Variants in MAPK15 observed in about 807,000 individuals in gnomAD.
MAPK15 encodes ERK-7.
MAPK15 carries 61 observed loss-of-function variants against 60.8 expected under a neutral mutation model. The ratio of observed to expected loss-of-function variants is 1.00; its 90% confidence interval spans 0.82 to 1.24. MAPK15 has a LOEUF of 1.24. Among genes scored for constraint, MAPK15 ranks in the 50% most tolerant of loss-of-function variants. The pLI is 0.00. For synonymous variants in MAPK15, 356 were observed against 319.9 expected (o/e 1.11, Z -1.21); for missense variants, 808 against 741.1 (o/e 1.09, Z -1.05).
chr8:143,716,470 G>A, intron 1 of MAPK15, 27 bp downstream of exon 1: 2 of 1,585,940 alleles, frequency 1.3e-6, no homozygotes, highest in Admixed American at 1.8e-5. Context: ...GCGTCCGCGC[G>A]CCGAGGGGCG....
chr8:143,720,171 C>A lies in MAPK15; in HGVS notation c.722-59C>A, dbSNP rs561756475. 2.7e-3 allele frequency: 4,166 copies of A among 1,540,838 alleles called. 8 individuals carry two copies. Among genetic ancestry groups the A allele is most frequent in the Middle Eastern group, 4.4e-3 (21 of 4,796 alleles). On this transcript the variant is annotated intron_variant, in intron 7 of 13. Transcript: ENST00000338033. This position sits in a 1 kb window ranked among gnomAD's most constrained non-coding sequence, Gnocchi z 4.6. ...TGGAAGAGATGACTGGCCCCAGATG[C>A]CCTGAGCCGCCCCAGCCGACCAGGC...
At chr8:143,719,934 T>C (rs1040886354) in intron 7 of MAPK15, among the ~76,000 whole-genome samples, 6 of 151,848 alleles carry the variant, frequency 4.0e-5, no homozygotes, top group African/African-American at 1.2e-4. Context: ...CCGCCAGGCA[T>C]AGCTGCTTGT....
At position 143,720,815 on chromosome 8, in the gene MAPK15, G is replaced by T. The variant is rs782127092; in HGVS notation, c.892G>T (p.Ala298Ser). 1.4e-5 allele frequency: 23 copies of T among 1,613,250 alleles called. 2 individuals are homozygous for T. The South Asian group carries it at 2.5e-4, about 18-fold the overall frequency. ...APDKRLSATQALQHPYVQRFH... is the reference protein window; with the variant it reads ...APDKRLSATQSLQHPYVQRFH... Reference sequence around the variant, plus strand: ...GGACAAGCGGTTAAGCGCGACCCAGGCACTGCAGCACCCCTACGTGCAGAG... The same window carrying T: ...GGACAAGCGGTTAAGCGCGACCCAGTCACTGCAGCACCCCTACGTGCAGAG... The change falls in exon 9 of 14, where the codon GCA becomes TCA. Residue 298 changes from alanine (A) to serine (S), a missense_variant. By Grantham distance (99) the Ala-to-Ser change is moderately conservative. Coordinates refer to ENST00000338033, the MANE Select transcript of MAPK15 (RefSeq NM_139021.3). This position sits in a 1 kb window ranked among gnomAD's most constrained non-coding sequence, Gnocchi z 4.6.
rs782097030 is a variant in MAPK15, at chr8:143,718,278, A to G, written c.262A>G (p.Ile88Val). Residue 88 changes from isoleucine to valine, a missense_variant, in exon 4 of 14, where the codon ATT becomes GTT. Transcript: ENST00000338033. Reference sequence around the variant, plus strand: ...GATCCGGGCAGAGAACGACAGGGACATTTACCTGGTGTTTGAGTTTATGGG... The same window carrying G: ...GATCCGGGCAGAGAACGACAGGGACGTTTACCTGGTGTTTGAGTTTATGGG... ...DVIRAENDRD[I>V]YLVFEFMDTD... 1 of 1,614,072 alleles carries G rather than the reference A, an allele frequency of 6.2e-7. No homozygotes were observed. The highest frequency in any genetic ancestry group is 8.5e-7 in the Non-Finnish European group (1 of 1,180,022).
chr8:143,716,836 C>T (rs1258184313), intron 1 of MAPK15, among the ~76,000 whole-genome samples: 1 of 152,142 alleles, frequency 6.6e-6, no homozygotes, highest in East Asian at 1.9e-4. Flanking sequence ...GGGGCGAGGC[C>T]CGAGAAGGGC....
intron 1 of MAPK15, 109 bp downstream of exon 1, chr8:143,716,552 G>T: frequency 1.0e-6 from 1 of 958,388 alleles, no homozygotes; most frequent in East Asian, 3.1e-5. Flanking sequence ...TCACACACTG[G>T]CGTCCTGCCT....
At position 143,719,372 on chromosome 8, in the gene MAPK15, T is replaced by C. The variant is rs546536937; in HGVS notation, c.611T>C (p.Leu204Pro). 12 of 1,611,124 alleles carry C rather than the reference T, an allele frequency of 7.4e-6. No individual in the cohort carries two copies. The East Asian group carries it at 2.5e-4, about 33-fold the overall frequency. The stretch of plus-strand genomic sequence containing the variant: ...ACCCTTGGGGTGGACATGTGGAGTC[T>C]GGGCTGTATCCTGGGGGAGATGCTG... ...RYTLGVDMWSLGCILGEMLRG... is the reference protein window; with the variant it reads ...RYTLGVDMWSPGCILGEMLRG... The change falls in exon 7 of 14, where the codon CTG becomes CCG. Residue 204 changes from leucine (L) to proline (P), a missense_variant. Transcript: ENST00000338033.
At position 143,719,426 on chromosome 8, in the gene MAPK15, C is replaced by G. The variant is rs1554619284; in HGVS notation, c.665C>G (p.Ser222Cys). Reference protein sequence around the residue: ...LRGRPLFPGTSTLHQLELILE... With the variant: ...LRGRPLFPGTCTLHQLELILE... ...GGGAGACCCCTGTTCCCCGGCACGT[C>G]CACCCTCCACCAGCTGGAGCTGATC... The change falls in exon 7 of 14, where the codon TCC (serine) becomes TGC (cysteine). Residue 222 changes from serine to cysteine, a missense_variant. Coordinates refer to ENST00000338033, the MANE Select transcript of MAPK15 (RefSeq NM_139021.3). The G allele has an allele frequency of 6.2e-7, 1 of 1,610,660 alleles. No individual in the cohort carries two copies. Among genetic ancestry groups the G allele is most frequent in the Non-Finnish European group, 8.5e-7 (1 of 1,178,932 alleles).
rs1554619962 is a variant in MAPK15 at position 143,721,759 on chromosome 8, C to T, written c.1337C>T (p.Pro446Leu). 4.3e-6 allele frequency: 7 copies of T among 1,613,538 alleles called. No individual in the cohort carries two copies. The South Asian group carries it at 7.7e-5, about 18-fold the overall frequency. ...TGACATGGCCCTTCCCAGGTGAAGC[C>T]AAGCGGGAGGGGAGCTGCGCCCTCC... ...APPLTLSLVK[P>L]SGRGAAPSLT... The change falls in exon 13 of 14, where the codon CCA becomes CTA. Residue 446 changes from proline to leucine, a missense_variant. Coordinates refer to ENST00000338033, the MANE Select transcript of MAPK15 (RefSeq NM_139021.3).
At position 143,718,767 on chromosome 8, in the gene MAPK15, C is replaced by T; in HGVS notation, c.287-8C>T. 6.3e-7 allele frequency: 1 copy of T among 1,594,180 alleles called. No individual in the cohort carries two copies. Among genetic ancestry groups the T allele is most frequent in the South Asian group, 1.1e-5 (1 of 89,170 alleles). On this transcript the variant is annotated splice_region_variant and splice_polypyrimidine_tract_variant and intron_variant, in intron 4 of 13. Transcript: ENST00000338033. ...CACCCCCGACTGCAGTGCGCACCCT[C>T]TCTGCAGACACTGACCTGAACGCAG...
intron 10 of MAPK15, 61 bp downstream of exon 10, chr8:143,721,166 T>C: frequency 1.3e-6 from 2 of 1,592,948 alleles, no homozygotes; most frequent in Non-Finnish European, 1.7e-6. Flanking sequence ...CTGCCTCCTA[T>C]GTCAGAGACC....
At position 143,720,726 on chromosome 8, in the gene MAPK15, T is replaced by C. The variant is rs921217130; in HGVS notation, c.803T>C (p.Leu268Pro). The C allele has an allele frequency of 6.2e-7, 1 of 1,612,678 alleles. No homozygotes were observed. Among genetic ancestry groups the C allele is most frequent in the Admixed American group, 1.7e-5 (1 of 59,864 alleles). ...AGGCCACGACAGACGCTGGATGCCC[T>C]CCTACCGCCAGACACCTCCCCAGAG... is the stretch of plus-strand genomic sequence containing the variant. ...GSRPRQTLDA[L>P]LPPDTSPEAL... Residue 268 changes from leucine to proline, a missense_variant, in exon 9 of 14, where the codon CTC becomes CCC. By Grantham distance (98) the Leu-to-Pro change is moderately conservative. Coordinates refer to ENST00000338033, the MANE Select transcript of MAPK15 (RefSeq NM_139021.3). This position sits in a 1 kb window ranked among gnomAD's most constrained non-coding sequence, Gnocchi z 4.6.
At position 143,720,156 on chromosome 8, in the gene MAPK15, G is replaced by A; in HGVS notation, c.722-74G>A. The stretch of plus-strand genomic sequence containing the variant: ...TGTGCTCCCTGGGGCTGGAAGAGAT[G>A]ACTGGCCCCAGATGCCCTGAGCCGC... On this transcript the variant is annotated intron_variant, in intron 7 of 13. Transcript: ENST00000338033. The surrounding 1 kb of genome is among the most constrained non-coding windows in gnomAD (Gnocchi z 4.6). 2 of 1,533,872 alleles carry A rather than the reference G, an allele frequency of 1.3e-6. No individual in the cohort carries two copies. The highest frequency in any genetic ancestry group is 1.2e-5 in the South Asian group (1 of 83,770).
Position 143,716,461 on chromosome 8 carries a change from C to A in MAPK15, c.66+18C>A. Reference sequence around the variant, plus strand: ...GGCAGGGGGTGAGTGCCTGGGGGTGCGTCCGCGCGCCGAGGGGCGCGGCAG... The same window carrying A: ...GGCAGGGGGTGAGTGCCTGGGGGTGAGTCCGCGCGCCGAGGGGCGCGGCAG... On this transcript the variant is annotated intron_variant, in intron 1 of 13. Transcript: ENST00000338033. 6.3e-7 allele frequency: 1 copy of A among 1,587,916 alleles called. No individual in the cohort carries two copies. The highest frequency in any genetic ancestry group is 8.5e-7 in the Non-Finnish European group (1 of 1,169,968).
In MAPK15 at chr8:143,717,732, T is replaced by G; in HGVS notation, c.105T>G (p.Thr35=). The G allele has an allele frequency of 6.2e-7, 1 of 1,611,998 alleles. No individual in the cohort carries two copies. Among genetic ancestry groups the G allele is most frequent in the Non-Finnish European group, 8.5e-7 (1 of 1,179,342 alleles). Residue 35 remains threonine, a synonymous_variant, in exon 2 of 14, where the codon ACT becomes ACG. Coordinates refer to ENST00000338033, the MANE Select transcript of MAPK15 (RefSeq NM_139021.3). ...TGTGGAAGGCAGTGGACCGGAGGAC[T>G]GGTGAGGTCGTGGCCATCAAGAAAA... The part of the protein sequence containing the change: ...GIVWKAVDRR[T]GEVVAIKKIF...
chr8:143,721,226 C>T lies in MAPK15; in HGVS notation c.1024-5C>T, dbSNP rs369901454. The T allele has an allele frequency of 1.6e-4, 252 of 1,605,388 alleles. No individual in the cohort carries two copies. Among genetic ancestry groups the T allele is most frequent in the Non-Finnish European group, 1.9e-4 (229 of 1,175,830 alleles). ...TGACCTCTGAGCACCCTTCCCCTCC[C>T]GCAGATGATCCTGGAGTGTGGAGGC... is the stretch of plus-strand genomic sequence containing the variant. On this transcript the variant is annotated splice_region_variant and splice_polypyrimidine_tract_variant and intron_variant, in intron 10 of 13. Coordinates refer to ENST00000338033, the MANE Select transcript of MAPK15 (RefSeq NM_139021.3).
In MAPK15 at chr8:143,719,036, G is replaced by A. The variant is rs939199478; in HGVS notation, c.461G>A (p.Cys154Tyr). Residue 154 changes from cysteine to tyrosine, a missense_variant, in exon 6 of 14, where the codon TGT (cysteine) becomes TAT (tyrosine). Transcript: ENST00000338033. ...LLDANCTVKL[C>Y]DFGLARSLGD... ...GATGCCAACTGCACAGTGAAGCTGTGTGACTTTGGCCTGGCCCGCTCCCTG... is the reference window on the plus strand; with the variant it reads ...GATGCCAACTGCACAGTGAAGCTGTATGACTTTGGCCTGGCCCGCTCCCTG... 7.5e-6 allele frequency: 12 copies of A among 1,602,590 alleles called. No individual in the cohort carries two copies. Among genetic ancestry groups the A allele is most frequent in the African/African-American group, 1.3e-5 (1 of 74,568 alleles).
rs782160526 is a variant in MAPK15 at position 143,721,598 on chromosome 8, G to C, written c.1254G>C (p.Leu418=). The C allele has an allele frequency of 1.2e-6, 2 of 1,613,148 alleles. No individual in the cohort carries two copies. The highest frequency in any genetic ancestry group is 8.5e-7 in the Non-Finnish European group (1 of 1,179,556). The part of the protein sequence containing the change: ...KNVPRQNSAP[L]LQTALLGNGE... Reference sequence around the variant, plus strand: ...TTCCCAGGCAGAACTCCGCTCCCCTGCTCCAAACTGCTCTCCTAGGGAATG... The same window carrying C: ...TTCCCAGGCAGAACTCCGCTCCCCTCCTCCAAACTGCTCTCCTAGGGAATG... The change falls in exon 12 of 14, where the codon CTG becomes CTC. Residue 418 remains leucine, a synonymous_variant. Coordinates refer to ENST00000338033, the MANE Select transcript of MAPK15 (RefSeq NM_139021.3).
Position 143,721,399 on chromosome 8 carries a change from C to A in MAPK15, c.1192C>A (p.Pro398Thr). The stretch of plus-strand genomic sequence containing the variant: ...GCCCCAGAGCAGCCCAGGCCATGAC[C>A]CTGCCGAGCACGGTGTGTGATCTTT... The part of the protein sequence containing the change: ...PRPQSSPGHD[P>T]AEHESPRAAK... The change falls in exon 11 of 14, where the codon CCT becomes ACT. Residue 398 changes from proline to threonine, a missense_variant. Transcript: ENST00000338033. The A allele has an allele frequency of 6.2e-7, 1 of 1,611,458 alleles. No individual in the cohort carries two copies. The highest frequency in any genetic ancestry group is 2.2e-5 in the East Asian group (1 of 44,868).
Sources: gnomAD v4.1 joint callset for allele counts (sites outside exome capture counted in the v4.1 genomes callset) on GRCh38, gnomAD v4.1.1 for gene constraint, Gnocchi (gnomAD v3.1) non-coding constraint, MANE v1.5 for transcripts, NCBI Gene and HGNC (gene_info 2026-07-23, HGNC 2026-07-21) for gene names.